The following INSC variants were observed in gnomAD, a reference collection of about 807,000 sequenced individuals.
The protein encoded by INSC is protein inscuteable homolog.
INSC carries 67 observed loss-of-function variants against 58.6 expected under a neutral mutation model. The ratio of observed to expected loss-of-function variants is 1.14; its 90% CI spans 0.94 to 1.40. The LOEUF (loss-of-function observed/expected upper bound fraction) is 1.40. Ranked by LOEUF, INSC falls within the 40% of genes most tolerant of loss-of-function variation. The pLI, the probability that INSC is intolerant of heterozygous loss-of-function variation, is 0.00. For synonymous variants in INSC, 262 were observed against 276.1 expected (o/e 0.95, Z 0.51); for missense variants, 714 against 692.0 (o/e 1.03, Z -0.36).
At chr11:15,114,406 G>T (rs982064424), upstream of INSC, among the ~76,000 whole-genome samples, 1 of 152,180 alleles carries the variant, frequency 6.6e-6, no homozygotes, top group Admixed American at 6.5e-5. Context: ...TGAATAAACC[G>T]TCTCATTCTA....
intron 1 of INSC, among the ~76,000 whole-genome samples, chr11:15,133,127 A>C (rs1435736825): frequency 2.0e-5 from 3 of 152,154 alleles, no homozygotes; most frequent in East Asian, 1.9e-4. Flanking sequence ...CTTTCTTTGC[A>C]AATATGATGA....
At chr11:15,211,709 T>C (rs539500601) in intron 7 of INSC, among the ~76,000 whole-genome samples, 31 of 152,310 alleles carry the variant, frequency 2.0e-4, no homozygotes, top group African/African-American at 6.7e-4. Context: ...AATTTTAAAA[T>C]GGTGTTCAAG....
At chr11:15,255,748 G>GTGTA in the INSC span, among the ~76,000 whole-genome samples, 1 of 151,824 alleles carries the variant, frequency 6.6e-6, no homozygotes. Flanking sequence ...GTGTGTGTGT[G>GTGTA]TGTGTGTGTG....
At chr11:15,200,783 G>A (rs755056754) in intron 6 of INSC, 41 bp from the exon 7 acceptor site, 4 of 1,612,332 alleles carry the variant, frequency 2.5e-6, no homozygotes, top group Non-Finnish European at 3.4e-6. Context: ...CCCAGACAAG[G>A]TCACACAGTA....
chr11:15,176,183 T>G, intron 3 of INSC, 97 bp downstream of exon 3: 1 of 1,026,316 alleles, frequency 9.7e-7, no homozygotes, highest in Non-Finnish European at 1.4e-6. Flanking sequence ...TCTTTTTTGC[T>G]CCAGAAGCCT....
intron 7 of INSC, 47 bp downstream of exon 7, chr11:15,200,996 G>T: frequency 6.4e-7 from 1 of 1,558,014 alleles, no homozygotes; most frequent in Admixed American, 1.9e-5. Flanking sequence ...AAGCCAGGTA[G>T]GGGTGAGGTC....
intron 7 of INSC, among the ~76,000 whole-genome samples, chr11:15,214,467 C>T (rs56069224): frequency 6.6e-6 from 1 of 152,124 alleles, no homozygotes; most frequent in African/African-American, 2.4e-5. Context: ...CCCTAAAAAA[C>T]AAAACTAAGA....
chr11:15,138,428 C>G (rs1848296441), intron 1 of INSC, among the ~76,000 whole-genome samples: 1 of 152,100 alleles, frequency 6.6e-6, no homozygotes, highest in African/African-American at 2.4e-5. Flanking sequence ...AGTGAAGTGC[C>G]CCAACTCCCA....
rs761975784 is a variant in INSC, at chr11:15,190,800, CG to C, written c.680del (p.Arg227ProfsTer3). On this transcript the variant is annotated frameshift_variant, in exon 6 of 13. Transcript: ENST00000379556. LOFTEE classifies it high-confidence loss of function. ...GACCCAGGAGGGGGCTCCCTTGTGC[CG>C]CATCATAGCCAAGGTGAGCTTCATG... ...SLTQEGAPLC[R>X]IIAKEGGVVA... 123 of 1,612,014 alleles carry C rather than the reference CG, an allele frequency of 7.6e-5. No individual in the cohort carries two copies. The highest frequency in any genetic ancestry group is 1.3e-5 in the Non-Finnish European group (15 of 1,178,246).
At chr11:15,202,130 C>T (rs947811208) in intron 7 of INSC, among the ~76,000 whole-genome samples, 1 of 151,978 alleles carries the variant, frequency 6.6e-6, no homozygotes, top group Non-Finnish European at 1.5e-5. Flanking sequence ...AGTAATTTGC[C>T]TAAGGTGACA....
At chr11:15,229,065 C>T (rs1851749200) in intron 9 of INSC, among the ~76,000 whole-genome samples, 1 of 152,076 alleles carries the variant, frequency 6.6e-6, no homozygotes, top group Non-Finnish European at 1.5e-5. Context: ...AGGTAGGAAA[C>T]GGGCTGCCTC....
chr11:15,154,863 T>C (rs897001222), intron 2 of INSC, among the ~76,000 whole-genome samples: 6 of 152,202 alleles, frequency 3.9e-5, no homozygotes, highest in African/African-American at 1.4e-4. Context: ...GCAAACCCAT[T>C]GACTAAAACA....
chr11:15,142,119 G>A (rs1056396300), intron 1 of INSC, among the ~76,000 whole-genome samples: 3 of 152,120 alleles, frequency 2.0e-5, no homozygotes, highest in African/African-American at 2.4e-5. Context: ...TGGTTTCCTC[G>A]CTATGGCTCA....
chr11:15,157,252 A>C (rs1408810103), intron 2 of INSC, among the ~76,000 whole-genome samples: 1 of 152,218 alleles, frequency 6.6e-6, no homozygotes, highest in East Asian at 1.9e-4. Context: ...AAGGAAATCA[A>C]ACCCAAGTCC....
chr11:15,247,080 C>A lies in INSC; in HGVS notation c.*1040C>A. The stretch of plus-strand genomic sequence containing the variant: ...TACCAATTTCACTGCTTGAAAGTAT[C>A]ACAAAAATCTGGGGATCCTTTTGAA... On this transcript the variant is annotated 3_prime_UTR_variant, in exon 13 of 13. Transcript: ENST00000379556. The A allele has an allele frequency of 6.6e-6, 1 of 151,020 alleles. No individual in the cohort carries two copies. 9.4% of individuals were successfully genotyped at this position (151,020 alleles called of 1,614,324 possible).
At chr11:15,254,739 C>T in the INSC span, among the ~76,000 whole-genome samples, 1 of 152,178 alleles carries the variant, frequency 6.6e-6, no homozygotes, top group Admixed American at 6.5e-5. Context: ...GTTGCCTGGT[C>T]CTGCTTGACA....
chr11:15,218,349 T>C (rs1851301821), intron 7 of INSC, among the ~76,000 whole-genome samples: 1 of 152,124 alleles, frequency 6.6e-6, no homozygotes, highest in South Asian at 2.1e-4. Context: ...ATACCTTCAA[T>C]AAACCTCTGA....
chr11:15,112,654 G>GGGT, upstream of INSC: 1 of 313,144 alleles, frequency 3.2e-6, no homozygotes, highest in African/African-American at 2.4e-5. Flanking sequence ...AAGTGGGGGG[G>GGGT]GGGCATTTAT....
the INSC span, among the ~76,000 whole-genome samples, chr11:15,265,907 C>T: frequency 6.9e-6 from 1 of 145,378 alleles, no homozygotes; most frequent in Non-Finnish European, 1.5e-5. Context: ...GTAAAATTTT[C>T]CTAAAACTTA....
Sources: allele counts gnomAD v4.1 joint callset (sites outside exome capture counted in the v4.1 genomes callset), GRCh38; gene constraint gnomAD v4.1.1; transcripts MANE v1.5; gene names NCBI Gene and HGNC (gene_info 2026-07-23, HGNC 2026-07-21).